The following RNF144A variants were observed in gnomAD, a reference collection of about 807,000 sequenced individuals.
RNF144A encodes ring finger protein 144A.
RNF144A carries 11 observed loss-of-function variants against 38.7 expected under a neutral mutation model. The observed-to-expected ratio is 0.28, with a 90% CI of 0.18 to 0.47. The LOEUF (loss-of-function observed/expected upper bound fraction) is 0.47. RNF144A is among the 20% of genes least tolerant of loss of function. The pLI is 0.99. For missense variants in RNF144A, 316 were observed against 377.2 expected (o/e 0.84, Z 1.34); for synonymous variants, 149 against 143.9 (o/e 1.04, Z -0.25).
intron 2 of RNF144A, among the ~76,000 whole-genome samples, chr2:6,993,394 C>T (rs1481204521): frequency 6.6e-6 from 1 of 152,114 alleles, no homozygotes; most frequent in Non-Finnish European, 1.5e-5. Context: ...GGAAGTCAGA[C>T]AGATGGAACC....
chr2:7,032,844 A>G (rs1334081495), intron 8 of RNF144A, among the ~76,000 whole-genome samples: 1 of 152,234 alleles, frequency 6.6e-6, no homozygotes, highest in Non-Finnish European at 1.5e-5. Flanking sequence ...GATTCAACCC[A>G]TAACAACACC....
chr2:7,002,304 G>A (rs1369849801), intron 3 of RNF144A, among the ~76,000 whole-genome samples: 1 of 152,178 alleles, frequency 6.6e-6, no homozygotes, highest in Non-Finnish European at 1.5e-5. Context: ...GGGTACGTAG[G>A]TAAGACATAA....
At chr2:6,997,337 G>A (rs1010438964) in intron 3 of RNF144A, among the ~76,000 whole-genome samples, 1 of 152,142 alleles carries the variant, frequency 6.6e-6, no homozygotes, top group Non-Finnish European at 1.5e-5. Context: ...TTATCATAGC[G>A]CATGTTCTCC....
At chr2:6,986,365 C>T (rs1237977982) in intron 2 of RNF144A, among the ~76,000 whole-genome samples, 1 of 152,106 alleles carries the variant, frequency 6.6e-6, no homozygotes, top group South Asian at 2.1e-4. Context: ...GCTCCAAACC[C>T]AGAAATTTCC....
In RNF144A at chr2:7,039,881, A is replaced by T. The variant is rs917403842; in HGVS notation, c.*121A>T. ...CCTTATGTGCCCCATTGAGCTTCAC[A>T]GTGTCAGGCTGGACGCCGTGATTTC... On this transcript the variant is annotated 3_prime_UTR_variant, in exon 9 of 9. Coordinates refer to ENST00000320892, the MANE Select transcript of RNF144A (RefSeq NM_014746.6). 2.7e-6 allele frequency: 4 copies of T among 1,472,618 alleles called. No individual in the cohort carries two copies. In the African/African-American group the frequency reaches 5.6e-5, roughly 21 times the overall value. The allele number at this position is 1,472,618 out of a possible 1,614,324, so 91.2% of individuals were successfully genotyped here. A position where few individuals can be genotyped will look rare whatever the true frequency, so the allele number is the denominator to read the frequency against.
chr2:7,030,603 G>A (rs1487403152), intron 8 of RNF144A, among the ~76,000 whole-genome samples: 2 of 152,090 alleles, frequency 1.3e-5, no homozygotes, highest in African/African-American at 4.8e-5. Context: ...GATAAGCAAG[G>A]TAGTAACAGG....
chr2:6,999,002 G>T (rs950036236), intron 3 of RNF144A, among the ~76,000 whole-genome samples: 15 of 152,226 alleles, frequency 9.9e-5, no homozygotes, highest in East Asian at 1.9e-4. Context: ...TGGCTTTTTT[G>T]CTGAGGCCTT....
chr2:6,948,084 A>G (rs1350625153), intron 2 of RNF144A, among the ~76,000 whole-genome samples: 3 of 152,232 alleles, frequency 2.0e-5, no homozygotes, highest in African/African-American at 7.2e-5. Context: ...GCCATGCTGC[A>G]CGGTGGAAAC....
chr2:7,013,880 A>G (rs1343633306), intron 3 of RNF144A, among the ~76,000 whole-genome samples: 1 of 152,222 alleles, frequency 6.6e-6, no homozygotes, highest in Non-Finnish European at 1.5e-5. Context: ...TGAGTGAGGA[A>G]TGCCAAATAC....
rs1383460521 is a variant in RNF144A, at chr2:7,003,117, A to G, written c.135+6056A>G. 3.3e-5 allele frequency among the ~76,000 whole-genome samples: 5 copies of G among 151,322 alleles called. No homozygotes were observed. The South Asian group carries it at 6.2e-4, about 19-fold the overall frequency. ...TGTACGTATATATACACATATATATATTTGTACAGCTGTGTTCGTATTTTA... is the reference window on the plus strand; with the variant it reads ...TGTACGTATATATACACATATATATGTTTGTACAGCTGTGTTCGTATTTTA... On this transcript the variant is annotated intron_variant, in intron 3 of 8. Transcript: ENST00000320892.
intron 3 of RNF144A, among the ~76,000 whole-genome samples, chr2:7,014,035 C>T (rs980582596): frequency 6.6e-6 from 1 of 152,202 alleles, no homozygotes; most frequent in African/African-American, 2.4e-5. Context: ...AACAGTCATA[C>T]CTTTCTTGTA....
intron 2 of RNF144A, among the ~76,000 whole-genome samples, chr2:6,959,577 G>A (rs1176794369): frequency 6.6e-6 from 1 of 152,038 alleles, no homozygotes; most frequent in African/African-American, 2.4e-5. Flanking sequence ...GTTGGTGAGG[G>A]GCCTCACGCG....
intron 2 of RNF144A, among the ~76,000 whole-genome samples, chr2:6,980,256 A>G (rs1330285730): frequency 9.2e-5 from 14 of 152,180 alleles, no homozygotes; most frequent in Non-Finnish European, 1.9e-4. Flanking sequence ...ATGCTCTCCA[A>G]CAGCCCCCCA....
chr2:6,945,279 A>G (rs1666257264), intron 2 of RNF144A, among the ~76,000 whole-genome samples: 1 of 152,220 alleles, frequency 6.6e-6, no homozygotes, highest in Non-Finnish European at 1.5e-5. Context: ...AATGAGCAGT[A>G]TTTTTAGAAA....
chr2:6,992,204 T>C (rs765678835), intron 2 of RNF144A, among the ~76,000 whole-genome samples: 1 of 152,360 alleles, frequency 6.6e-6, no homozygotes, highest in East Asian at 1.9e-4. Flanking sequence ...GTTCTTGGGC[T>C]TCATTGTGCA....
intron 2 of RNF144A, among the ~76,000 whole-genome samples, chr2:6,987,850 A>G (rs1214274007): frequency 2.6e-5 from 4 of 152,160 alleles, no homozygotes; most frequent in Non-Finnish European, 5.9e-5. Context: ...AATGACTAAG[A>G]GCAGCTTTCT....
intron 2 of RNF144A, among the ~76,000 whole-genome samples, chr2:6,965,672 G>A (rs1424533597): frequency 1.3e-5 from 2 of 152,128 alleles, no homozygotes; most frequent in African/African-American, 2.4e-5. Context: ...GATGGCATCC[G>A]TGACGCTGTT....
chr2:7,067,666 C>T lies in RNF144A; in HGVS notation c.735-550C>T, dbSNP rs113132468. Reference sequence around the variant, plus strand: ...ACCACATGAGAAAATGGAGTTACAGCGTTCAAAAGAAAGAAGAATGTCTCT... The same window carrying T: ...ACCACATGAGAAAATGGAGTTACAGTGTTCAAAAGAAAGAAGAATGTCTCT... On this transcript the variant is annotated intron_variant, in intron 6 of 6. Transcript: ENST00000432850. 3.2e-4 allele frequency among the ~76,000 whole-genome samples: 48 copies of T among 152,162 alleles called. No homozygotes were observed. In the South Asian group the frequency reaches 7.7e-3, roughly 24 times the overall value.
downstream of RNF144A, among the ~76,000 whole-genome samples, chr2:7,045,869 C>A (rs569852306): frequency 5.3e-5 from 8 of 150,922 alleles, no homozygotes; most frequent in Middle Eastern, 3.4e-3. Flanking sequence ...GGTTGCACAT[C>A]AATTCTTGAA....
Sources: allele counts gnomAD v4.1 joint callset (sites outside exome capture counted in the v4.1 genomes callset), GRCh38; gene constraint gnomAD v4.1.1; transcripts MANE v1.5; gene names NCBI Gene and HGNC (gene_info 2026-07-23, HGNC 2026-07-21).